Variants in FNDC3B observed in about 807,000 individuals in gnomAD.
FNDC3B encodes fibronectin type III domain containing 3B.
Under a neutral mutation model 151.5 loss-of-function variants are expected in FNDC3B, and 12 were observed. The ratio of observed to expected loss-of-function variants is 0.08; its 90% CI spans 0.05 to 0.13. The LOEUF (loss-of-function observed/expected upper bound fraction) is 0.13. FNDC3B is among the 10% of genes least tolerant of loss of function. The pLI is 1.00. For synonymous variants in FNDC3B, 528 were observed against 549.0 expected (o/e 0.96, Z 0.54); for missense variants, 1,214 against 1,505.3 (o/e 0.81, Z 3.20).
intron 23 of FNDC3B, among the ~76,000 whole-genome samples, chr3:172,375,167 G>T (rs557810982): frequency 1.6e-4 from 25 of 152,226 alleles, no homozygotes; most frequent in African/African-American, 4.8e-4. Context: ...GTGCCAACTT[G>T]CTACCTCTGT....
chr3:172,201,176 C>T (rs568374839), intron 3 of FNDC3B, among the ~76,000 whole-genome samples: 9 of 152,304 alleles, frequency 5.9e-5, no homozygotes, highest in Admixed American at 2.0e-4. Flanking sequence ...ATGGCTCCTA[C>T]GGTGAAGTTC....
intron 2 of FNDC3B, among the ~76,000 whole-genome samples, chr3:172,124,519 A>G (rs1720711270): frequency 1.3e-5 from 2 of 152,252 alleles, no homozygotes; most frequent in Non-Finnish European, 2.9e-5. Flanking sequence ...CTAGAGGGAA[A>G]TGTAGGACAA....
At chr3:172,213,321 C>T (rs2108716593) in intron 3 of FNDC3B, among the ~76,000 whole-genome samples, 1 of 152,294 alleles carries the variant, frequency 6.6e-6, no homozygotes, top group Admixed American at 6.5e-5. Context: ...CTCATTGGAC[C>T]TCAGGCCATG....
chr3:172,291,229 G>A (rs1336127706), intron 7 of FNDC3B, among the ~76,000 whole-genome samples: 3 of 152,194 alleles, frequency 2.0e-5, no homozygotes, highest in African/African-American at 4.8e-5. Context: ...CACACATATA[G>A]AACAACTGCT....
chr3:172,266,468 C>A (rs1306482262), intron 6 of FNDC3B, among the ~76,000 whole-genome samples: 1 of 152,214 alleles, frequency 6.6e-6, no homozygotes, highest in Non-Finnish European at 1.5e-5. Flanking sequence ...ACCGCCGTGC[C>A]TGGCAAAGCC....
At chr3:172,349,753 T>G (rs1686783573) in intron 21 of FNDC3B, among the ~76,000 whole-genome samples, 1 of 152,146 alleles carries the variant, frequency 6.6e-6, no homozygotes, top group African/African-American at 2.4e-5. Context: ...CTTCACAGGT[T>G]CAAGCGATTC....
intron 3 of FNDC3B, among the ~76,000 whole-genome samples, chr3:172,155,339 T>A (rs1485377746): frequency 6.6e-6 from 1 of 152,182 alleles, no homozygotes; most frequent in South Asian, 2.1e-4. Flanking sequence ...AATCTGATTG[T>A]TGGATGAGTT....
At chr3:172,243,526 A>G (rs1036860989) in intron 4 of FNDC3B, among the ~76,000 whole-genome samples, 1 of 152,174 alleles carries the variant, frequency 6.6e-6, no homozygotes, top group African/African-American at 2.4e-5. Context: ...TAAAACCATC[A>G]GATCTCGTGA....
intron 1 of FNDC3B, among the ~76,000 whole-genome samples, chr3:172,067,657 C>T (rs1037862792): frequency 6.6e-6 from 1 of 151,740 alleles, no homozygotes; most frequent in Non-Finnish European, 1.5e-5. Flanking sequence ...AGTCTTTGCA[C>T]CTGGATCAGT....
intron 3 of FNDC3B, among the ~76,000 whole-genome samples, chr3:172,212,073 A>G (rs1725758088): frequency 1.3e-5 from 2 of 152,338 alleles, no homozygotes; most frequent in African/African-American, 2.4e-5. Flanking sequence ...TTATTATCCT[A>G]TATTATATAA....
At position 172,341,208 on chromosome 3, in the gene FNDC3B, A is replaced by G; in HGVS notation, c.1948A>G (p.Ile650Val). The G allele has an allele frequency of 1.2e-6, 2 of 1,614,114 alleles. No individual in the cohort carries two copies. Among genetic ancestry groups the G allele is most frequent in the Non-Finnish European group, 1.7e-6 (2 of 1,179,930 alleles). Residue 650 changes from isoleucine (I) to valine (V), a missense_variant, in exon 17 of 26, where the codon ATC (isoleucine) becomes GTC (valine). By Grantham distance (29) the Ile-to-Val change is conservative (BLOSUM62 3). This residue lies in a region of FNDC3B where 380 missense variants were observed against 420.9 expected (regional missense o/e 0.90). Transcript: ENST00000415807. ...TTTGTACAAACTCCGAGCATGCTGCATCAGTACCGGCGGACACAGCCAGGT... is the reference window on the plus strand; with the variant it reads ...TTTGTACAAACTCCGAGCATGCTGCGTCAGTACCGGCGGACACAGCCAGGT... ...GTLYKLRACC[I>V]STGGHSQCSE...
chr3:172,246,065 TTTG>T (rs1478971605), intron 4 of FNDC3B, among the ~76,000 whole-genome samples: 1 of 152,214 alleles, frequency 6.6e-6, no homozygotes, highest in Non-Finnish European at 1.5e-5. Context: ...AGTATAGTTT[TTTG>T]TTGTTATTAA....
intron 9 of FNDC3B, among the ~76,000 whole-genome samples, chr3:172,304,147 T>TA (rs545320456): frequency 1.5e-3 from 231 of 152,198 alleles, no homozygotes; most frequent in African/African-American, 4.9e-3. Flanking sequence ...CTCCATCACT[T>TA]ACGACTCTCC....
intron 3 of FNDC3B, among the ~76,000 whole-genome samples, chr3:172,175,872 C>T (rs116148578): frequency 7.2e-4 from 109 of 152,218 alleles, no homozygotes; most frequent in African/African-American, 2.5e-3. Context: ...TTTTTGTTTG[C>T]ACTATGTGGA....
intron 3 of FNDC3B, among the ~76,000 whole-genome samples, chr3:172,160,266 C>T (rs924766537): frequency 6.6e-6 from 1 of 152,218 alleles, no homozygotes; most frequent in Non-Finnish European, 1.5e-5. Context: ...AGGCTGTGCT[C>T]ACTGGGCCTT....
chr3:172,243,425 C>G (rs1379216051), intron 4 of FNDC3B, among the ~76,000 whole-genome samples: 1 of 152,196 alleles, frequency 6.6e-6, no homozygotes, highest in East Asian at 1.9e-4. Context: ...GGAAGCCTCA[C>G]AATCATGGTG....
intron 1 of FNDC3B, among the ~76,000 whole-genome samples, chr3:172,104,945 G>C (rs1719569589): frequency 6.6e-6 from 1 of 152,176 alleles, no homozygotes; most frequent in Admixed American, 6.5e-5. Flanking sequence ...TCTAGGTCTT[G>C]AAACATCAGT....
At chr3:172,293,380 A>G (rs1466292624) in intron 7 of FNDC3B, among the ~76,000 whole-genome samples, 2 of 152,184 alleles carry the variant, frequency 1.3e-5, no homozygotes, top group Non-Finnish European at 2.9e-5. Context: ...AGTCTTCCTC[A>G]GATGTTTTAA....
intron 3 of FNDC3B, among the ~76,000 whole-genome samples, chr3:172,193,541 T>C (rs531478773): frequency 2.0e-5 from 3 of 151,026 alleles, no homozygotes; most frequent in East Asian, 4.0e-4. Flanking sequence ...AATCTTATGC[T>C]TGGGGTTAAG....
Sources: allele counts gnomAD v4.1 joint callset (sites outside exome capture counted in the v4.1 genomes callset), GRCh38; gene constraint gnomAD v4.1.1; regional missense constraint gnomAD v4.1.1; transcripts MANE v1.5; gene names NCBI Gene and HGNC (gene_info 2026-07-23, HGNC 2026-07-21).